GNA11: variants seen among roughly 807,000 people sequenced by gnomAD.
The protein encoded by GNA11 is guanine nucleotide-binding protein subunit alpha-11.
A neutral mutation model predicts 38.2 loss-of-function variants in GNA11; 8 were observed. The ratio of observed to expected loss-of-function variants is 0.21; its 90% CI spans 0.12 to 0.38. The LOEUF is 0.38. Ranked by LOEUF, GNA11 falls within the 10% of genes least tolerant of loss-of-function variation. The probability of loss-of-function intolerance (pLI) is 1.00; values close to 1 mark genes in which losing one functional copy is unlikely to be tolerated. For missense variants in GNA11, 268 were observed against 516.3 expected (o/e 0.52, Z 4.66); for synonymous variants, 211 against 221.4 (o/e 0.95, Z 0.42).
chr19:3,112,374 T>TGGGAGGGCCCCGTGGCTCCC (rs1400328937), intron 2 of GNA11, among the ~76,000 whole-genome samples: 3 of 152,176 alleles, frequency 2.0e-5, no homozygotes, highest in Non-Finnish European at 4.4e-5. Context: ...CTGGGGGGCC[T>TGGGAGGGCCCCGTGGCTCCC]GGGAGGGCCC....
intron 1 of GNA11, among the ~76,000 whole-genome samples, chr19:3,109,925 G>T (rs1302381537): frequency 6.6e-6 from 1 of 152,202 alleles, no homozygotes; most frequent in Non-Finnish European, 1.5e-5. Context: ...TGGAAAAGGG[G>T]TGGTTCCAGT....
At chr19:3,113,955 C>T (rs1316039056) in intron 3 of GNA11, among the ~76,000 whole-genome samples, 1 of 152,208 alleles carries the variant, frequency 6.6e-6, no homozygotes, top group Admixed American at 6.5e-5. Context: ...GTCTCTGGGC[C>T]TGGGATAGGG....
chr19:3,100,732 G>A (rs1913482453), intron 1 of GNA11, among the ~76,000 whole-genome samples: 2 of 152,184 alleles, frequency 1.3e-5, no homozygotes, highest in Non-Finnish European at 2.9e-5. Context: ...GGGGCAGTGG[G>A]GGCACACTCT....
chr19:3,109,246 A>G (rs1450165576), intron 1 of GNA11, among the ~76,000 whole-genome samples: 1 of 151,380 alleles, frequency 6.6e-6, no homozygotes, highest in African/African-American at 2.5e-5. Flanking sequence ...ACCAGGTGAG[A>G]GGCAGAGGCA....
intron 1 of GNA11, among the ~76,000 whole-genome samples, chr19:3,107,714 C>CG (rs896776961): frequency 1.3e-5 from 2 of 151,908 alleles, no homozygotes; most frequent in African/African-American, 2.4e-5. Context: ...GGTCACAATT[C>CG]GGGGGGGTGC....
Position 3,110,025 on chromosome 19 carries a change from C to G in GNA11, c.137-124C>G. 2 of 692,120 alleles carry G rather than the reference C, an allele frequency of 2.9e-6. No homozygotes were observed. The highest frequency in any genetic ancestry group is 4.9e-6 in the Non-Finnish European group (2 of 412,134). The allele number at this position is 692,120 out of a possible 1,614,324, so 42.9% of individuals were successfully genotyped here. A position where few individuals can be genotyped will look rare whatever the true frequency, so the allele number is the denominator to read the frequency against. ...CCGTGGCGTCTGGTGGAGAGACGGT[C>G]AGCCTCACGTGCCTTGGTTTCCTGT... On this transcript the variant is annotated intron_variant, in intron 1 of 6. Coordinates refer to ENST00000078429, the MANE Select transcript of GNA11 (RefSeq NM_002067.5). This position sits in a 1 kb window ranked among gnomAD's most constrained non-coding sequence, Gnocchi z 5.4.
chr19:3,110,783 GTTTTT>G lies in GNA11; in HGVS notation c.321+453_321+457del, dbSNP rs554795528. ...GCTGTACTTCTCACCTTCTCACACT[GTTTTT>G]TTGTTTTGTTTTGTTTTGTTTTGTT... On this transcript the variant is annotated intron_variant, in intron 2 of 6. Coordinates refer to ENST00000078429, the MANE Select transcript of GNA11 (RefSeq NM_002067.5). The surrounding 1 kb of genome is among the most constrained non-coding windows in gnomAD (Gnocchi z 5.4). Among the ~76,000 whole-genome samples the G allele has an allele frequency of 7.3e-6, 1 of 136,584 alleles. No individual in the cohort carries two copies. The highest frequency in any genetic ancestry group is 2.6e-5 in the African/African-American group (1 of 38,420). 89.6% of individuals were successfully genotyped at this position (136,584 alleles called of 152,430 possible).
intron 4 of GNA11, 168 bp from the exon 5 acceptor site, chr19:3,118,756 C>G: frequency 1.6e-6 from 1 of 630,466 alleles, no homozygotes; most frequent in Non-Finnish European, 2.8e-6. Flanking sequence ...GGAGGCGGTG[C>G]GGCCGCTCTC....
intron 1 of GNA11, among the ~76,000 whole-genome samples, chr19:3,095,800 C>T (rs779521885): frequency 6.6e-6 from 1 of 152,046 alleles, no homozygotes; most frequent in African/African-American, 2.4e-5. Flanking sequence ...GCTGAGTCCT[C>T]GTTGAGAGCA....
chr19:3,113,114 G>T (rs1308633063), intron 2 of GNA11, among the ~76,000 whole-genome samples: 6 of 152,260 alleles, frequency 3.9e-5, no homozygotes, highest in African/African-American at 1.4e-4. Context: ...CCGCCGGGAG[G>T]CTTTGCTTGT....
chr19:3,111,922 G>C (rs1186378880), intron 2 of GNA11, among the ~76,000 whole-genome samples: 1 of 152,212 alleles, frequency 6.6e-6, no homozygotes, highest in South Asian at 2.1e-4. Flanking sequence ...CCTGTCTCCC[G>C]CTGTGATCTC....
In GNA11 at chr19:3,103,505, G is replaced by A. The variant is rs550461590; in HGVS notation, c.137-6644G>A. On this transcript the variant is annotated intron_variant, in intron 1 of 6. Coordinates refer to ENST00000078429, the MANE Select transcript of GNA11 (RefSeq NM_002067.5). ...TGGGATTACAGGCGTGAGCCACTGC[G>A]CCCGGCCTTGAATCTTTTTTTTTTT... Among the ~76,000 whole-genome samples, 509 of 129,438 alleles carry A rather than the reference G, an allele frequency of 3.9e-3. 1 individual carries two copies. Among genetic ancestry groups the A allele is most frequent in the Non-Finnish European group, 6.3e-3 (397 of 62,520 alleles). The allele number at this position is 129,438 out of a possible 152,430, so 84.9% of individuals were successfully genotyped here.
chr19:3,112,296 G>T (rs868382454), intron 2 of GNA11, among the ~76,000 whole-genome samples: 1 of 152,226 alleles, frequency 6.6e-6, no homozygotes, highest in South Asian at 2.1e-4. Flanking sequence ...GGCAAGGGGA[G>T]GGCTGAAGTC....
chr19:3,103,743 G>A (rs1176364189), intron 1 of GNA11, among the ~76,000 whole-genome samples: 2 of 148,102 alleles, frequency 1.4e-5, no homozygotes, highest in African/African-American at 5.0e-5. Context: ...TTGCTCTGTC[G>A]CCTAGGCTGG....
chr19:3,098,860 GA>G, intron 1 of GNA11, among the ~76,000 whole-genome samples: 1 of 152,350 alleles, frequency 6.6e-6, no homozygotes. Context: ...GAGACGTGGG[GA>G]CTTGGTCCGG....
Position 3,099,383 on chromosome 19 carries a change from C to T in GNA11, c.136+4596C>T, listed in dbSNP as rs545408413. On this transcript the variant is annotated intron_variant, in intron 1 of 6. Transcript: ENST00000078429. ...TGAGAGCGGTGGATGCGATTAGGGG[C>T]GGCCAGGGGCTCTGGGAAGGCCCAC... 1.5e-3 allele frequency among the ~76,000 whole-genome samples: 233 copies of T among 152,266 alleles called. 1 individual carries two copies. The highest frequency in any genetic ancestry group is 5.4e-3 in the African/African-American group (223 of 41,552).
At chr19:3,097,853 C>T (rs925644442) in intron 1 of GNA11, among the ~76,000 whole-genome samples, 1 of 152,202 alleles carries the variant, frequency 6.6e-6, no homozygotes, top group Non-Finnish European at 1.5e-5. Context: ...CTGGGCACTG[C>T]AGGGTGCTGA....
chr19:3,106,627 C>CG (rs1375025288), intron 1 of GNA11, among the ~76,000 whole-genome samples: 1 of 133,828 alleles, frequency 7.5e-6, no homozygotes, highest in Admixed American at 8.1e-5. Flanking sequence ...CTTCACCCAG[C>CG]GGGAGTGGTG....
In GNA11 at chr19:3,114,941, C is replaced by T. The variant is rs2145320636; in HGVS notation, c.477-3C>T. The T allele has an allele frequency of 6.2e-7, 1 of 1,602,248 alleles. No homozygotes were observed. The highest frequency in any genetic ancestry group is 8.5e-7 in the Non-Finnish European group (1 of 1,175,942). ...GGCCTGAGCACCCACCGCTGTGTTGCAGCTACCTGACCGACGTTGACCGCA... is the reference window on the plus strand; with the variant it reads ...GGCCTGAGCACCCACCGCTGTGTTGTAGCTACCTGACCGACGTTGACCGCA... On this transcript the variant is annotated splice_polypyrimidine_tract_variant and splice_region_variant and intron_variant, in intron 3 of 6. Coordinates refer to ENST00000078429, the MANE Select transcript of GNA11 (RefSeq NM_002067.5).
Sources: allele counts gnomAD v4.1 joint callset (sites outside exome capture counted in the v4.1 genomes callset), GRCh38; gene constraint gnomAD v4.1.1; non-coding constraint Gnocchi (gnomAD v3.1); transcripts MANE v1.5; gene names NCBI Gene and HGNC (gene_info 2026-07-23, HGNC 2026-07-21).